The following ZNF846 variants were observed in gnomAD, a reference collection of about 807,000 sequenced individuals.
ZNF846 encodes zinc finger protein 420 pseudogene.
In ZNF846, 15 loss-of-function variants were observed where a neutral mutation model predicts 16.0. That is an observed-to-expected ratio of 0.94 (90% confidence interval 0.63 to 1.45). ZNF846 has a LOEUF of 1.45. ZNF846 is among the 40% of genes most tolerant of loss of function. The pLI is 0.00. For synonymous variants in ZNF846, 229 were observed against 212.0 expected (o/e 1.08, Z -0.70); for missense variants, 714 against 622.3 (o/e 1.15, Z -1.57).
At chr19:9,767,645 T>C (rs996437890) in intron 1 of ZNF846, among the ~76,000 whole-genome samples, 1 of 151,722 alleles carries the variant, frequency 6.6e-6, no homozygotes, top group African/African-American at 2.4e-5. Flanking sequence ...TAAAAATATA[T>C]GAGGGGGAAG....
At chr19:9,755,225 A>G (rs1486509378), downstream of ZNF846, among the ~76,000 whole-genome samples, 3 of 151,416 alleles carry the variant, frequency 2.0e-5, no homozygotes, top group Non-Finnish European at 4.4e-5. Flanking sequence ...CTCCTCCCAC[A>G]TGCTGTTCTT....
chr19:9,768,678 A>C (rs997167380), upstream of ZNF846: 1 of 152,366 alleles, frequency 6.6e-6, no homozygotes, highest in African/African-American at 2.4e-5. Flanking sequence ...TAGGTTGAGC[A>C]TGAGCGCTGG....
chr19:9,758,767 G>C lies in ZNF846; in HGVS notation c.313-3C>G. The C allele has an allele frequency of 6.5e-7, 1 of 1,538,988 alleles. No homozygotes were observed. The highest frequency in any genetic ancestry group is 1.2e-5 in the South Asian group (1 of 80,152). On this transcript the variant is annotated splice_polypyrimidine_tract_variant and splice_region_variant and intron_variant, in intron 5 of 5. Transcript: ENST00000397902. Reference sequence around the variant, plus strand: ...TTCTCTGCAGTATTGCTTCTCTCCTGTTGAGATATAAAAGATGAATAAAGA... The same window carrying C: ...TTCTCTGCAGTATTGCTTCTCTCCTCTTGAGATATAAAAGATGAATAAAGA...
intron 1 of ZNF846, among the ~76,000 whole-genome samples, chr19:9,775,191 A>ATG (rs1418132635): frequency 2.2e-5 from 3 of 135,708 alleles, no homozygotes; most frequent in South Asian, 2.3e-4. Context: ...ATGTGTATAT[A>ATG]TATGTGTGTG....
At chr19:9,753,219 A>AATTTATTTATTT (rs57885198), downstream of ZNF846, among the ~76,000 whole-genome samples, 1,318 of 134,540 alleles carry the variant, frequency 9.8e-3, 29 homozygotes, top group African/African-American at 0.015. Context: ...GAGGAGACAA[A>AATTTATTTATTT]ATTTATTTAT....
At chr19:9,753,418 A>ATTT (rs575904125), downstream of ZNF846, among the ~76,000 whole-genome samples, 135 of 135,588 alleles carry the variant, frequency 1.0e-3, 1 homozygote, top group Middle Eastern at 7.5e-3. Flanking sequence ...CACTGGGCTG[A>ATTT]TTTTTTTTTT....
intron 5 of ZNF846, 52 bp downstream of exon 5, chr19:9,759,808 A>C (rs1448806249): frequency 1.4e-6 from 2 of 1,389,560 alleles, no homozygotes; most frequent in Middle Eastern, 1.8e-4. Flanking sequence ...ATTTTCATGA[A>C]TATTGTGCTT....
chr19:9,758,752 T>C lies in ZNF846; in HGVS notation c.325A>G (p.Thr109Ala). 6.4e-7 allele frequency: 1 copy of C among 1,569,156 alleles called. No individual in the cohort carries two copies. Among genetic ancestry groups the C allele is most frequent in the Non-Finnish European group, 8.6e-7 (1 of 1,157,858 alleles). ...TTAGAGTCATACAGTTTCTCTGCAG[T>C]ATTGCTTCTCTCCTGTTGAGATATA... The change falls in exon 6 of 6, where the codon ACT becomes GCT. Residue 109 changes from threonine (T) to alanine (A), a missense_variant. Thr to Ala is a moderately conservative substitution (Grantham distance 58). Transcript: ENST00000397902.
intron 4 of ZNF846, among the ~76,000 whole-genome samples, chr19:9,761,819 T>A (rs55838336): frequency 6.6e-6 from 1 of 151,968 alleles, no homozygotes; most frequent in Non-Finnish European, 1.5e-5. Context: ...TATAAGAAGG[T>A]GTTGGCAAAG....
chr19:9,749,993 G>A (rs1019755599), downstream of ZNF846, among the ~76,000 whole-genome samples: 1 of 151,324 alleles, frequency 6.6e-6, no homozygotes, highest in African/African-American at 2.4e-5. Flanking sequence ...TATCCCTGTT[G>A]CTGCTCCTTT....
At chr19:9,755,799 CAAAAAAAAAAAAAAAAAAAAA>C (rs538572391), downstream of ZNF846, among the ~76,000 whole-genome samples, 1 of 24,694 alleles carries the variant, frequency 4.0e-5, no homozygotes, top group African/African-American at 1.1e-4. Flanking sequence ...GACTCCGTCT[CAAAAAAAAAAAAAAAAAAAAA>C]AAAAAAAAAA....
exon 6 of ZNF846, chr19:9,757,729 A>G: frequency 6.2e-7 from 1 of 1,613,514 alleles, no homozygotes; most frequent in East Asian, 2.2e-5. Context: ...TTACATTCAC[A>G]GGCCTTTTCT....
chr19:9,775,013 T>G (rs1435642424), intron 1 of ZNF846: 3 of 1,504,616 alleles, frequency 2.0e-6, no homozygotes, highest in Non-Finnish European at 2.7e-6. Flanking sequence ...ATGCAGTGCA[T>G]TCAGACACCC....
chr19:9,773,124 G>A (rs2045402269), upstream of ZNF846, among the ~76,000 whole-genome samples: 2 of 152,134 alleles, frequency 1.3e-5, no homozygotes, highest in African/African-American at 4.8e-5. Context: ...ACAAGAACAA[G>A]TCATGTGACT....
chr19:9,782,950 C>A (rs968495572), intron 1 of ZNF846, among the ~76,000 whole-genome samples: 1 of 151,218 alleles, frequency 6.6e-6, no homozygotes, highest in Non-Finnish European at 1.5e-5. Flanking sequence ...GAGACAGGGT[C>A]TTGCTCTGTC....
chr19:9,780,484 C>G (rs1279267143), intron 1 of ZNF846, among the ~76,000 whole-genome samples: 1 of 152,034 alleles, frequency 6.6e-6, no homozygotes, highest in African/African-American at 2.4e-5. Context: ...GAGCCTTGCT[C>G]TATCACCCAG....
intron 1 of ZNF846, among the ~76,000 whole-genome samples, chr19:9,777,982 A>T (rs1428115597): frequency 2.6e-5 from 4 of 152,248 alleles, no homozygotes; most frequent in Admixed American, 2.6e-4. Flanking sequence ...TCAGCTTTCC[A>T]GAGTTACAGT....
downstream of ZNF846, among the ~76,000 whole-genome samples, chr19:9,750,617 G>A (rs1362285135): frequency 2.6e-5 from 4 of 152,124 alleles, no homozygotes; most frequent in East Asian, 1.9e-4. Flanking sequence ...AAATGGGAAC[G>A]AACAACTGCC....
intron 1 of ZNF846, among the ~76,000 whole-genome samples, chr19:9,783,320 TC>T (rs367548387): frequency 1.5e-5 from 2 of 130,798 alleles, no homozygotes; most frequent in African/African-American, 5.7e-5. Flanking sequence ...AACCTCCAAC[TC>T]CCAAGTTCAA....
Sources: gnomAD v4.1 joint callset for allele counts (sites outside exome capture counted in the v4.1 genomes callset) on GRCh38, gnomAD v4.1.1 for gene constraint, MANE v1.5 for transcripts, NCBI Gene and HGNC (gene_info 2026-07-23, HGNC 2026-07-21) for gene names.